The following CFAP44 variants were observed in gnomAD, a reference collection of about 807,000 sequenced individuals.
CFAP44 encodes the protein cilia- and flagella-associated protein 44.
A neutral mutation model predicts 216.2 loss-of-function variants in CFAP44; 134 were observed. The ratio of observed to expected loss-of-function variants is 0.62; its 90% CI spans 0.54 to 0.72. The LOEUF is 0.72. Among genes scored for constraint, CFAP44 ranks in the 30% least tolerant of loss-of-function variants. CFAP44 has a pLI of 0.00. For missense variants in CFAP44, 2,035 were observed against 2,182.1 expected (o/e 0.93, Z 1.34); for synonymous variants, 700 against 727.6 (o/e 0.96, Z 0.61).
chr3:113,370,716 G>A (rs994293911), intron 18 of CFAP44, among the ~76,000 whole-genome samples: 1 of 152,288 alleles, frequency 6.6e-6, no homozygotes, highest in African/African-American at 2.4e-5. Flanking sequence ...CATAGTGTTG[G>A]AAGTCCTGGC....
chr3:113,374,661 G>A (rs1000276247), intron 17 of CFAP44, among the ~76,000 whole-genome samples: 4 of 152,108 alleles, frequency 2.6e-5, no homozygotes, highest in South Asian at 4.1e-4. Context: ...TTGAGATGGG[G>A]TCTTACTCTG....
At chr3:113,327,181 A>G (rs1950196321) in intron 27 of CFAP44, among the ~76,000 whole-genome samples, 1 of 152,146 alleles carries the variant, frequency 6.6e-6, no homozygotes, top group African/African-American at 2.4e-5. Flanking sequence ...ATTTCTTATG[A>G]TATTCAATCA....
intron 28 of CFAP44, among the ~76,000 whole-genome samples, chr3:113,315,162 T>A (rs537271180): frequency 8.6e-5 from 13 of 151,212 alleles, no homozygotes; most frequent in African/African-American, 2.7e-4. Flanking sequence ...AAAAACATTA[T>A]CCAATCATAC....
At chr3:113,381,685 C>G (rs1381276548) in intron 15 of CFAP44, among the ~76,000 whole-genome samples, 1 of 152,224 alleles carries the variant, frequency 6.6e-6, no homozygotes, top group Non-Finnish European at 1.5e-5. Flanking sequence ...AATGGGAAAT[C>G]TCCATCTTGA....
chr3:113,364,832 T>G (rs1314199543), intron 19 of CFAP44, among the ~76,000 whole-genome samples: 1 of 152,146 alleles, frequency 6.6e-6, no homozygotes, highest in African/African-American at 2.4e-5. Flanking sequence ...GGCTCTGGCA[T>G]CTGTACTTCT....
At chr3:113,387,612 A>G (rs1473435254) in intron 15 of CFAP44, among the ~76,000 whole-genome samples, 1 of 152,096 alleles carries the variant, frequency 6.6e-6, no homozygotes, top group Non-Finnish European at 1.5e-5. Context: ...GACCCAGCAC[A>G]TTCCCAACTG....
intron 4 of CFAP44, among the ~76,000 whole-genome samples, chr3:113,420,781 A>T (rs1934794470): frequency 6.6e-6 from 1 of 152,218 alleles, no homozygotes; most frequent in Admixed American, 6.5e-5. Context: ...TGATTATAAT[A>T]AATTCACATA....
intron 28 of CFAP44, among the ~76,000 whole-genome samples, chr3:113,324,282 T>C (rs1402654187): frequency 6.6e-6 from 1 of 152,006 alleles, no homozygotes; most frequent in African/African-American, 2.4e-5. Context: ...TTTATTACCC[T>C]GATACTAAAA....
At chr3:113,303,198 T>C (rs1017772753) in intron 32 of CFAP44, among the ~76,000 whole-genome samples, 2 of 152,334 alleles carry the variant, frequency 1.3e-5, no homozygotes, top group Admixed American at 6.5e-5. Flanking sequence ...GCTGAAAATG[T>C]ACATATCCCT....
In CFAP44 at chr3:113,438,527, C is replaced by A. The variant is rs1935286975; in HGVS notation, c.-6+2926G>T. ...ACACAGGAAAGCTCTAAGAATGATA[C>A]ATGGCAGTCAATATGTAAAATGGTT... On this transcript the variant is annotated intron_variant, in intron 1 of 34. Transcript: ENST00000393845. Among the ~76,000 whole-genome samples, 4 of 152,184 alleles carry A rather than the reference C, an allele frequency of 2.6e-5. No homozygotes were observed. The South Asian group carries it at 8.3e-4, about 32-fold the overall frequency.
chr3:113,356,866 C>T (rs948789615), intron 22 of CFAP44, among the ~76,000 whole-genome samples: 2 of 151,962 alleles, frequency 1.3e-5, no homozygotes, highest in Non-Finnish European at 2.9e-5. Flanking sequence ...AGACTAAAGC[C>T]ACATACTACA....
Position 113,358,787 on chromosome 3 carries a change from T to G in CFAP44, c.3023A>C (p.Glu1008Ala). Reference protein sequence around the residue: ...IQQVEKELAWEKEKHELGLMK... With the variant: ...IQQVEKELAWAKEKHELGLMK... ...TAGGCCGAGTTCATGTTTCTCTTTTTCCCAAGCTAATTCCTTTTCCACTTG... is the reference window on the plus strand; with the variant it reads ...TAGGCCGAGTTCATGTTTCTCTTTTGCCCAAGCTAATTCCTTTTCCACTTG... Residue 1008 changes from glutamate (E) to alanine (A), a missense_variant, in exon 22 of 35, where the codon GAA becomes GCA. Around this residue, in one of 3 missense-constraint regions of CFAP44, gnomAD observed 1,883 missense variants for 2,023.7 expected, o/e 0.93. Transcript: ENST00000393845. The G allele has an allele frequency of 6.5e-7, 1 of 1,536,870 alleles. No individual in the cohort carries two copies. Among genetic ancestry groups the G allele is most frequent in the Non-Finnish European group, 8.7e-7 (1 of 1,146,606 alleles).
intron 26 of CFAP44, among the ~76,000 whole-genome samples, chr3:113,328,157 A>AT (rs1950204084): frequency 6.6e-6 from 1 of 151,686 alleles, no homozygotes; most frequent in African/African-American, 2.4e-5. Flanking sequence ...TTTATTCTCC[A>AT]TAGTATCTCT....
intron 4 of CFAP44, among the ~76,000 whole-genome samples, chr3:113,421,368 G>A (rs1457264439): frequency 6.6e-6 from 1 of 152,154 alleles, no homozygotes; most frequent in Non-Finnish European, 1.5e-5. Flanking sequence ...ACAGACAAAA[G>A]CGAATGCTTA....
intron 2 of CFAP44, among the ~76,000 whole-genome samples, chr3:113,431,195 G>A (rs1935097692): frequency 6.6e-6 from 1 of 152,142 alleles, no homozygotes; most frequent in South Asian, 2.1e-4. Context: ...AGGAGGAAGA[G>A]ACCTCTTCAC....
chr3:113,291,473 A>G lies in CFAP44; in HGVS notation c.*84T>C. 6.3e-6 allele frequency: 9 copies of G among 1,431,994 alleles called. No individual in the cohort carries two copies. The highest frequency in any genetic ancestry group is 7.5e-6 in the Non-Finnish European group (8 of 1,072,248). 88.7% of individuals were successfully genotyped at this position (1,431,994 alleles called of 1,614,324 possible). A position where few individuals can be genotyped will look rare whatever the true frequency, so the allele number is the denominator to read the frequency against. On this transcript the variant is annotated 3_prime_UTR_variant, in exon 35 of 35. Coordinates refer to ENST00000393845, the MANE Select transcript of CFAP44 (RefSeq NM_001164496.2). ...TTTCAGGCGAGTTCAGTTTAAAGTA[A>G]TAAGATTGTTGGAGGTGATGAGGAG...
chr3:113,402,043 C>T (rs1934156220), intron 9 of CFAP44, among the ~76,000 whole-genome samples: 1 of 152,088 alleles, frequency 6.6e-6, no homozygotes, highest in South Asian at 2.1e-4. Context: ...TATTAGGTCT[C>T]TTTTTACATA....
intron 17 of CFAP44, among the ~76,000 whole-genome samples, chr3:113,376,965 A>G (rs1286399779): frequency 6.6e-6 from 1 of 152,208 alleles, no homozygotes. Flanking sequence ...GCCATTGGGA[A>G]CAGTGTCCTT....
chr3:113,314,851 G>A (rs1468724383), intron 28 of CFAP44, among the ~76,000 whole-genome samples: 1 of 152,014 alleles, frequency 6.6e-6, no homozygotes, highest in African/African-American at 2.4e-5. Flanking sequence ...GCTAGACTGG[G>A]ATAAATGATG....
Sources: allele counts gnomAD v4.1 joint callset (sites outside exome capture counted in the v4.1 genomes callset), GRCh38; gene constraint gnomAD v4.1.1; regional missense constraint gnomAD v4.1.1; transcripts MANE v1.5; gene names NCBI Gene and HGNC (gene_info 2026-07-23, HGNC 2026-07-21).